The following RNF157 variants were observed in gnomAD, a reference collection of about 807,000 sequenced individuals.
RNF157 encodes E3 ubiquitin ligase RNF157.
In RNF157, 55 loss-of-function variants were observed where a neutral mutation model predicts 88.3. That is an observed-to-expected ratio of 0.62 (90% CI 0.50 to 0.78). The LOEUF is 0.78. RNF157 is among the 30% of genes least tolerant of loss of function. The pLI, the probability that RNF157 is intolerant of heterozygous loss-of-function variation, is 0.00. For missense variants in RNF157, 788 were observed against 860.8 expected (o/e 0.92, Z 1.06); for synonymous variants, 334 against 341.2 (o/e 0.98, Z 0.23).
At chr17:76,154,092 TGAGGAGGTCATA>T in intron 17 of RNF157, 179 bp downstream of exon 17, 2 of 603,406 alleles carry the variant, frequency 3.3e-6, no homozygotes, top group East Asian at 5.6e-5. Context: ...CAGAAAGAGC[TGAGGAGGTCATA>T]GAGATCATCA....
intron 2 of RNF157, among the ~76,000 whole-genome samples, chr17:76,183,968 T>C (rs1476077866): frequency 3.3e-5 from 5 of 151,778 alleles, no homozygotes; most frequent in East Asian, 3.9e-4. Context: ...GGTGGGCGGG[T>C]TGGTTGAGGC....
In RNF157 at chr17:76,216,074, T is replaced by A. The variant is rs1447641729; in HGVS notation, c.89-3592A>T. Among the ~76,000 whole-genome samples, 3 of 152,206 alleles carry A rather than the reference T, an allele frequency of 2.0e-5. No individual in the cohort carries two copies. The East Asian group carries it at 5.8e-4, about 29-fold the overall frequency. Reference sequence around the variant, plus strand: ...TTTCTATGCATCAGGAATTATACATTTATCATATATTAGGTAAAATTGGAA... The same window carrying A: ...TTTCTATGCATCAGGAATTATACATATATCATATATTAGGTAAAATTGGAA... On this transcript the variant is annotated intron_variant, in intron 1 of 18. Transcript: ENST00000269391.
At chr17:76,159,179 T>C (rs73345601) in intron 12 of RNF157, among the ~76,000 whole-genome samples, 156 bp downstream of exon 12, 3,577 of 152,328 alleles carry the variant, frequency 0.023, 144 homozygotes, top group African/African-American at 0.081. Flanking sequence ...TATTTTCATC[T>C]CTTAATGGAT....
chr17:76,175,982 T>C (rs112411199), intron 2 of RNF157, among the ~76,000 whole-genome samples: 9 of 152,174 alleles, frequency 5.9e-5, no homozygotes, highest in Non-Finnish European at 7.3e-5. Flanking sequence ...CCCTATACTT[T>C]AGGCTCTCCC....
chr17:76,149,186 C>T (rs1212214352), intron 18 of RNF157, among the ~76,000 whole-genome samples: 1 of 152,084 alleles, frequency 6.6e-6, no homozygotes, highest in African/African-American at 2.4e-5. Flanking sequence ...AAAAGTGCCT[C>T]TAAGCCCCTC....
At chr17:76,190,077 T>A (rs2144939748) in intron 2 of RNF157, among the ~76,000 whole-genome samples, 1 of 152,052 alleles carries the variant, frequency 6.6e-6, no homozygotes, top group Non-Finnish European at 1.5e-5. Context: ...AGTGGAATTG[T>A]GGAGACAAAT....
rs777020531 is a variant in RNF157 at position 76,176,931 on chromosome 17, C to T, written c.208-3141G>A. On this transcript the variant is annotated intron_variant, in intron 2 of 18. Coordinates refer to ENST00000269391, the MANE Select transcript of RNF157 (RefSeq NM_052916.3). The surrounding 1 kb of genome is among the most constrained non-coding windows in gnomAD (Gnocchi z 4.2). ...CCGAGGGTGCCAGGTTCCTGTGCCTCGGGAGGAGGTTCTGCGCAGCCCGTC... is the reference window on the plus strand; with the variant it reads ...CCGAGGGTGCCAGGTTCCTGTGCCTTGGGAGGAGGTTCTGCGCAGCCCGTC... Among the ~76,000 whole-genome samples the T allele has an allele frequency of 1.6e-4, 24 of 149,060 alleles. No homozygotes were observed. The highest frequency in any genetic ancestry group is 6.7e-4 in the Admixed American group (10 of 14,914).
chr17:76,213,864 C>G (rs1366886409), intron 1 of RNF157, among the ~76,000 whole-genome samples: 4 of 152,126 alleles, frequency 2.6e-5, no homozygotes, highest in South Asian at 4.1e-4. Flanking sequence ...CAGAAAGCTT[C>G]CAAACAGGGG....
chr17:76,198,790 G>C (rs529319693), intron 2 of RNF157, among the ~76,000 whole-genome samples: 1 of 152,130 alleles, frequency 6.6e-6, no homozygotes, highest in African/African-American at 2.4e-5. Flanking sequence ...ACAAAAATTC[G>C]AAGCTCACAG....
At chr17:76,181,632 G>A (rs961027354) in intron 2 of RNF157, among the ~76,000 whole-genome samples, 3 of 152,008 alleles carry the variant, frequency 2.0e-5, no homozygotes, top group South Asian at 4.1e-4. Flanking sequence ...AAAAATGGTC[G>A]GGTGCGGTGG....
At chr17:76,201,099 A>G (rs1339274030) in intron 2 of RNF157, among the ~76,000 whole-genome samples, 1 of 152,156 alleles carries the variant, frequency 6.6e-6, no homozygotes, top group Non-Finnish European at 1.5e-5. Flanking sequence ...TCCTCTACTT[A>G]GAAGTATTTC....
intron 18 of RNF157, among the ~76,000 whole-genome samples, chr17:76,150,413 A>T (rs1213457969): frequency 6.6e-6 from 1 of 152,170 alleles, no homozygotes; most frequent in African/African-American, 2.4e-5. Context: ...ATCAACAAGC[A>T]GGTTAGCTGG....
At chr17:76,177,029 G>A (rs898279714) in intron 2 of RNF157, among the ~76,000 whole-genome samples, 2 of 152,048 alleles carry the variant, frequency 1.3e-5, no homozygotes, top group African/African-American at 2.4e-5. Context: ...AGATGGCCTG[G>A]CCCAGGCCCA....
chr17:76,166,642 C>G, intron 5 of RNF157, 115 bp from the exon 6 acceptor site: 1 of 862,916 alleles, frequency 1.2e-6, no homozygotes, highest in East Asian at 2.6e-5. Context: ...CTCTGCTCCT[C>G]ATTCTTTAGC....
At chr17:76,203,642 G>A (rs1160696140) in intron 2 of RNF157, among the ~76,000 whole-genome samples, 1 of 151,522 alleles carries the variant, frequency 6.6e-6, no homozygotes, top group Non-Finnish European at 1.5e-5. Flanking sequence ...TGTAGAGACG[G>A]GGTTTCACCA....
At chr17:76,210,376 G>A (rs56280453) in intron 2 of RNF157, among the ~76,000 whole-genome samples, 26 of 151,638 alleles carry the variant, frequency 1.7e-4, no homozygotes, top group East Asian at 7.9e-4. Flanking sequence ...GGCGGATCAC[G>A]AGGTCAGATC....
intron 1 of RNF157, among the ~76,000 whole-genome samples, chr17:76,225,498 T>A (rs1450427411): frequency 6.6e-6 from 1 of 152,158 alleles, no homozygotes; most frequent in Non-Finnish European, 1.5e-5. Context: ...GTCTTCCTGT[T>A]CTATTATTTT....
chr17:76,225,329 AAAAG>A (rs2070061453), intron 1 of RNF157, among the ~76,000 whole-genome samples: 1 of 152,210 alleles, frequency 6.6e-6, no homozygotes, highest in African/African-American at 2.4e-5. Context: ...CACAAAAAGA[AAAAG>A]AAATAGAAAT....
intron 8 of RNF157, chr17:76,163,380 A>T (rs2068874811): frequency 6.6e-6 from 1 of 152,184 alleles, no homozygotes; most frequent in African/African-American, 2.4e-5. Flanking sequence ...TTTGTGGTAG[A>T]GACGGGGTTT....
Sources: gnomAD v4.1 joint callset for allele counts (sites outside exome capture counted in the v4.1 genomes callset) on GRCh38, gnomAD v4.1.1 for gene constraint, Gnocchi (gnomAD v3.1) non-coding constraint, MANE v1.5 for transcripts, NCBI Gene and HGNC (gene_info 2026-07-23, HGNC 2026-07-21) for gene names.